The following NUS1 variants were observed in gnomAD, a reference collection of about 807,000 sequenced individuals.
NUS1 encodes NUS1 dehydrodolichyl diphosphate synthase subunit.
For synonymous variants in NUS1, 135 were observed against 155.2 expected, an observed-to-expected ratio of 0.87 and a Z score of 0.97; for missense variants, 292 against 382.9, an observed-to-expected ratio of 0.76 and a Z score of 1.98.
chr6:117,684,136 T>C (rs1773102695), intron 1 of NUS1, among the ~76,000 whole-genome samples: 1 of 152,232 alleles, frequency 6.6e-6, no homozygotes, highest in Non-Finnish European at 1.5e-5. Flanking sequence ...TTGCAACTAC[T>C]CAACTCTGCT....
intron 1 of NUS1, among the ~76,000 whole-genome samples, chr6:117,676,369 G>T (rs904477320): frequency 4.6e-5 from 7 of 152,180 alleles, no homozygotes; most frequent in African/African-American, 1.7e-4. Context: ...ACCTGAGGTC[G>T]GGAGTTCGAG....
chr6:117,703,288 TA>T (rs540841390), intron 3 of NUS1, among the ~76,000 whole-genome samples: 92 of 152,324 alleles, frequency 6.0e-4, no homozygotes, highest in Middle Eastern at 3.4e-3. Context: ...CATTGAGTCT[TA>T]AAAGATACAT....
intron 1 of NUS1, among the ~76,000 whole-genome samples, chr6:117,678,707 G>T (rs1006030176): frequency 4.4e-4 from 57 of 128,810 alleles, no homozygotes; most frequent in Middle Eastern, 5.5e-3. Flanking sequence ...TTGAGACGGA[G>T]TCTCGCTCTG....
chr6:117,696,994 CAG>C (rs1048334313), intron 3 of NUS1, among the ~76,000 whole-genome samples: 54 of 151,984 alleles, frequency 3.6e-4, no homozygotes, highest in Middle Eastern at 3.4e-3. Context: ...ATAAAAACAA[CAG>C]AAAGTTTTAA....
intron 3 of NUS1, 29 bp downstream of exon 3, chr6:117,694,209 A>T: frequency 2.4e-6 from 3 of 1,248,082 alleles, no homozygotes; most frequent in Non-Finnish European, 3.3e-6. Context: ...ATATACATAT[A>T]TATGTATATG....
intron 1 of NUS1, among the ~76,000 whole-genome samples, chr6:117,681,547 G>A (rs1442149515): frequency 6.6e-6 from 1 of 152,188 alleles, no homozygotes; most frequent in African/African-American, 2.4e-5. Flanking sequence ...TGACACAGAT[G>A]CTATTGAGAA....
intron 1 of NUS1, among the ~76,000 whole-genome samples, chr6:117,689,631 A>G (rs1773187634): frequency 6.6e-6 from 1 of 151,756 alleles, no homozygotes; most frequent in African/African-American, 2.4e-5. Flanking sequence ...GCATGATCAT[A>G]GCTCACTGCA....
chr6:117,681,257 T>C (rs1324232601), intron 1 of NUS1, among the ~76,000 whole-genome samples: 1 of 152,242 alleles, frequency 6.6e-6, no homozygotes, highest in African/African-American at 2.4e-5. Context: ...TGTGTAGTCA[T>C]ATTTGTATGT....
At position 117,693,896 on chromosome 6, in the gene NUS1, A is replaced by G. The variant is rs554080206; in HGVS notation, c.542-135A>G. 321 of 833,078 alleles carry G rather than the reference A, an allele frequency of 3.9e-4. 3 individuals carry two copies. The South Asian group carries it at 5.1e-3, about 13-fold the overall frequency. The allele number at this position is 833,078 out of a possible 1,614,324, so 51.6% of individuals were successfully genotyped here. A position where few individuals can be genotyped will look rare whatever the true frequency, so the allele number is the denominator to read the frequency against. On this transcript the variant is annotated intron_variant, in intron 2 of 4. Transcript: ENST00000368494. ...TAAGTATGTTTTGATATTGAAATTG[A>G]AGGGCTTAAAAAATTCTTGTTTACT...
At chr6:117,701,250 T>C (rs964551737) in intron 3 of NUS1, among the ~76,000 whole-genome samples, 13 of 148,940 alleles carry the variant, frequency 8.7e-5, no homozygotes, top group African/African-American at 2.0e-4. Flanking sequence ...ATTTTCTTTT[T>C]TTTTTTTTTT....
chr6:117,690,261 A>G (rs1055523532), intron 1 of NUS1, among the ~76,000 whole-genome samples: 30 of 152,054 alleles, frequency 2.0e-4, no homozygotes, highest in African/African-American at 6.8e-4. Context: ...TTAGAGTCTT[A>G]TGATTGTGGG....
At position 117,710,024 on chromosome 6, in the gene NUS1, A is replaced by G. The variant is rs1773553221; in HGVS notation, c.*3009A>G. ...TGATAGATAATAGTGAAATAAATTC[A>G]GCTTTGCCATTGCTGGAGTTGTCAA... On this transcript the variant is annotated 3_prime_UTR_variant, in exon 5 of 5. Transcript: ENST00000368494. The G allele has an allele frequency of 6.6e-6, 1 of 152,182 alleles. No individual in the cohort carries two copies. The highest frequency in any genetic ancestry group is 2.4e-5 in the African/African-American group (1 of 41,464). 9.4% of individuals were successfully genotyped at this position (152,182 alleles called of 1,614,324 possible). A position where few individuals can be genotyped will look rare whatever the true frequency, so the allele number is the denominator to read the frequency against.
intron 1 of NUS1, among the ~76,000 whole-genome samples, chr6:117,683,851 G>T (rs930788869): frequency 1.1e-4 from 16 of 152,150 alleles, no homozygotes; most frequent in African/African-American, 3.6e-4. Context: ...ATGCAGATAA[G>T]ATTTGCTGAT....
At chr6:117,701,166 A>T (rs1347543297) in intron 3 of NUS1, among the ~76,000 whole-genome samples, 1 of 151,676 alleles carries the variant, frequency 6.6e-6, no homozygotes, top group South Asian at 2.1e-4. Flanking sequence ...CAATTTGGGG[A>T]AAGTTGCCTT....
At chr6:117,679,095 GA>G (rs1322920012) in intron 1 of NUS1, among the ~76,000 whole-genome samples, 2 of 152,196 alleles carry the variant, frequency 1.3e-5, no homozygotes, top group Non-Finnish European at 2.9e-5. Flanking sequence ...AGAAGTACAA[GA>G]AATGGTGTCT....
At chr6:117,681,732 T>G (rs62431056) in intron 1 of NUS1, among the ~76,000 whole-genome samples, 9,219 of 152,326 alleles carry the variant, frequency 0.061, 347 homozygotes, top group African/African-American at 0.087. Context: ...TCTCTACCTT[T>G]GTGTAGTTGA....
chr6:117,692,917 T>C lies in NUS1; in HGVS notation c.416-125T>C, dbSNP rs968126171. 2.1e-5 allele frequency: 15 copies of C among 725,742 alleles called. No individual in the cohort carries two copies. In the Admixed American group the frequency reaches 4.0e-4, roughly 19 times the overall value. 45.0% of individuals were successfully genotyped at this position (725,742 alleles called of 1,614,324 possible). ...TTCCTTTTAGATTCTAGTTTAGGAC[T>C]AGTCATTACAGCTTTGTTTGACATT... On this transcript the variant is annotated intron_variant, in intron 1 of 4. Coordinates refer to ENST00000368494, the MANE Select transcript of NUS1 (RefSeq NM_138459.5).
chr6:117,693,174 A>G lies in NUS1; in HGVS notation c.541+7A>G. 3.1e-6 allele frequency: 5 copies of G among 1,610,934 alleles called. No individual in the cohort carries two copies. Among genetic ancestry groups the G allele is most frequent in the Non-Finnish European group, 2.5e-6 (3 of 1,178,308 alleles). On this transcript the variant is annotated splice_region_variant and intron_variant, in intron 2 of 4. Transcript: ENST00000368494. ...AATGACAAAGATGATCAAGGTAAGCATGAGTGTATAATTGAACATGTAACA... is the reference window on the plus strand; with the variant it reads ...AATGACAAAGATGATCAAGGTAAGCGTGAGTGTATAATTGAACATGTAACA...
chr6:117,695,850 A>G (rs139941915), intron 3 of NUS1, among the ~76,000 whole-genome samples: 1 of 152,110 alleles, frequency 6.6e-6, no homozygotes, highest in East Asian at 1.9e-4. Context: ...TACTTACCAT[A>G]TTTTTGAGGT....
Sources: allele counts gnomAD v4.1 joint callset (sites outside exome capture counted in the v4.1 genomes callset), GRCh38; gene constraint gnomAD v4.1.1; transcripts MANE v1.5; gene names NCBI Gene and HGNC (gene_info 2026-07-23, HGNC 2026-07-21).